Variants in TSNARE1 observed in about 807,000 individuals in gnomAD.
The protein encoded by TSNARE1 is t-SNARE domain containing 1.
In TSNARE1, 49 loss-of-function variants were observed where a neutral mutation model predicts 62.0. The ratio of observed to expected loss-of-function variants is 0.79; its 90% CI spans 0.63 to 1.00. TSNARE1 has a LOEUF of 1.00. TSNARE1 is among the 50% of genes least tolerant of loss of function. The probability of loss-of-function intolerance (pLI) is 0.00; values close to 1 mark genes in which losing one functional copy is unlikely to be tolerated. For missense variants in TSNARE1, 755 were observed against 700.1 expected, an observed-to-expected ratio of 1.08 and a Z score of -0.88; for synonymous variants, 328 against 294.4, an observed-to-expected ratio of 1.11 and a Z score of -1.17.
chr8:142,305,178 G>A (rs1826453574), intron 9 of TSNARE1, among the ~76,000 whole-genome samples: 1 of 152,202 alleles, frequency 6.6e-6, no homozygotes, highest in African/African-American at 2.4e-5. Context: ...ACCACAGGAC[G>A]TTCTGTGCGA....
At chr8:142,379,074 C>G (rs1202678134) in intron 1 of TSNARE1, among the ~76,000 whole-genome samples, 4 of 152,214 alleles carry the variant, frequency 2.6e-5, no homozygotes, top group African/African-American at 4.8e-5. Context: ...AGAGGACTCT[C>G]AGAGCAGAGG....
chr8:142,224,251 C>G, intron 13 of TSNARE1, among the ~76,000 whole-genome samples: 1 of 152,212 alleles, frequency 6.6e-6, no homozygotes. Context: ...AGAGCTGGGA[C>G]CCGGAATGGC....
At chr8:142,258,493 T>C (rs1200375194) in intron 12 of TSNARE1, among the ~76,000 whole-genome samples, 1 of 149,100 alleles carries the variant, frequency 6.7e-6, no homozygotes, top group African/African-American at 2.5e-5. Flanking sequence ...TTTTTTTTTT[T>C]TTTTTTGAGA....
In TSNARE1 at chr8:142,373,890, G is replaced by A. The variant is rs75972995; in HGVS notation, c.-39-19127C>T. Reference sequence around the variant, plus strand: ...AGGAAGGGCTCAGAGCACAGCCAGCGGCACACCCAGGGGATTAAAACATCA... The same window carrying A: ...AGGAAGGGCTCAGAGCACAGCCAGCAGCACACCCAGGGGATTAAAACATCA... On this transcript the variant is annotated intron_variant, in intron 1 of 13. Coordinates refer to ENST00000524325, the MANE Select transcript of TSNARE1 (RefSeq NM_145003.5). 4.0e-3 allele frequency among the ~76,000 whole-genome samples: 604 copies of A among 152,210 alleles called. 3 individuals are homozygous for A. Among genetic ancestry groups the A allele is most frequent in the African/African-American group, 0.014 (563 of 41,510 alleles).
At chr8:142,396,516 G>C (rs75508278) in intron 1 of TSNARE1, among the ~76,000 whole-genome samples, 1 of 152,172 alleles carries the variant, frequency 6.6e-6, no homozygotes, top group Non-Finnish European at 1.5e-5. Flanking sequence ...GACAGGATTA[G>C]GTCTTTATTA....
At chr8:142,249,498 G>A (rs2130265353) in intron 12 of TSNARE1, among the ~76,000 whole-genome samples, 1 of 152,300 alleles carries the variant, frequency 6.6e-6, no homozygotes, top group Non-Finnish European at 1.5e-5. Context: ...GGCAGGTCCT[G>A]GGCAGAGGCT....
intron 12 of TSNARE1, among the ~76,000 whole-genome samples, chr8:142,269,123 C>A (rs1819302030): frequency 6.6e-6 from 1 of 152,202 alleles, no homozygotes; most frequent in African/African-American, 2.4e-5. Flanking sequence ...GGGCTCAGCC[C>A]AGAGGATACT....
chr8:142,392,141 A>G (rs1837574961), intron 1 of TSNARE1, among the ~76,000 whole-genome samples: 1 of 152,066 alleles, frequency 6.6e-6, no homozygotes, highest in South Asian at 2.1e-4. Flanking sequence ...ATCCTGCTTC[A>G]GCCTCCCGAG....
intron 10 of TSNARE1, 29 bp downstream of exon 10, chr8:142,300,457 G>T (rs1489802896): frequency 6.3e-7 from 1 of 1,582,750 alleles, no homozygotes; most frequent in Admixed American, 1.7e-5. Context: ...AGTGTGGAGA[G>T]TGAGCACGCT....
At chr8:142,269,423 C>T in intron 12 of TSNARE1, 8 of 985,394 alleles carry the variant, frequency 8.1e-6, no homozygotes, top group Non-Finnish European at 9.6e-6. Flanking sequence ...CAGGTTAAGA[C>T]TGTAACGCAA....
At chr8:142,217,916 G>GAATCAGGGCCCTGTA (rs1491578770) in intron 13 of TSNARE1, among the ~76,000 whole-genome samples, 1 of 80,452 alleles carries the variant, frequency 1.2e-5, no homozygotes, top group African/African-American at 5.8e-5. Context: ...AGGGCTCAGA[G>GAATCAGGGCCCTGTA]TGTGAACAGG....
chr8:142,361,746 G>A (rs562684195), intron 1 of TSNARE1, among the ~76,000 whole-genome samples: 7 of 152,304 alleles, frequency 4.6e-5, no homozygotes, highest in East Asian at 1.9e-4. Flanking sequence ...AACCTCAGGC[G>A]AGCTCCACAG....
At chr8:142,327,165 A>C (rs1436959084) in intron 6 of TSNARE1, among the ~76,000 whole-genome samples, 1 of 152,202 alleles carries the variant, frequency 6.6e-6, no homozygotes, top group African/African-American at 2.4e-5. Context: ...CCTACCGCAA[A>C]CATTCACCGC....
Position 142,277,708 on chromosome 8 carries a change from G to A in TSNARE1, c.1364-2845C>T, listed in dbSNP as rs565874720. On this transcript the variant is annotated intron_variant, in intron 11 of 13. Transcript: ENST00000524325. ...CAGCTCACAGGCACCAAAGACTCCC[G>A]TGCTGCAGGGGAGCCCAGCGGCCTG... The A allele has an allele frequency of 7.8e-5, 77 of 985,426 alleles. No individual in the cohort carries two copies. The African/African-American group carries it at 1.3e-3, about 16-fold the overall frequency. The allele number at this position is 985,426 out of a possible 1,614,324, so 61.0% of individuals were successfully genotyped here. A position where few individuals can be genotyped will look rare whatever the true frequency, so the allele number is the denominator to read the frequency against.
intron 12 of TSNARE1, chr8:142,273,221 C>T (rs1010841490): frequency 1.1e-4 from 111 of 985,168 alleles, no homozygotes; most frequent in Non-Finnish European, 1.1e-4. Context: ...ACTGTCCCAT[C>T]GTCCTCCTGC....
chr8:142,352,656 G>A (rs1689713186), intron 2 of TSNARE1, among the ~76,000 whole-genome samples: 2 of 152,388 alleles, frequency 1.3e-5, no homozygotes, highest in Middle Eastern at 6.8e-3. Context: ...AACACGATGC[G>A]TAAAAGCAGC....
At chr8:142,315,982 T>G (rs1828465965) in intron 7 of TSNARE1, among the ~76,000 whole-genome samples, 1 of 152,180 alleles carries the variant, frequency 6.6e-6, no homozygotes, top group South Asian at 2.1e-4. Context: ...GCCATTCGCT[T>G]CACGAGGAAA....
At chr8:142,380,175 T>A (rs1177453756) in intron 1 of TSNARE1, among the ~76,000 whole-genome samples, 2 of 151,922 alleles carry the variant, frequency 1.3e-5, no homozygotes, top group Admixed American at 6.5e-5. Flanking sequence ...CATTCCCACC[T>A]CCCAACAACT....
chr8:142,363,737 C>T (rs1388362677), intron 1 of TSNARE1, among the ~76,000 whole-genome samples: 3 of 152,168 alleles, frequency 2.0e-5, no homozygotes, highest in Non-Finnish European at 4.4e-5. Flanking sequence ...CCACAGAACC[C>T]ACCAAAACGG....
Sources: gnomAD v4.1 joint callset for allele counts (sites outside exome capture counted in the v4.1 genomes callset) on GRCh38, gnomAD v4.1.1 for gene constraint, MANE v1.5 for transcripts, NCBI Gene and HGNC (gene_info 2026-07-23, HGNC 2026-07-21) for gene names.